Variants in PXDNL observed in about 807,000 individuals in gnomAD.
The protein encoded by PXDNL is peroxidasin like.
PXDNL carries 145 observed loss-of-function variants against 150.8 expected under a neutral mutation model. The observed-to-expected ratio is 0.96, with a 90% confidence interval of 0.84 to 1.10. PXDNL has a LOEUF of 1.10. Ranked by LOEUF, PXDNL falls within the 50% of genes least tolerant of loss-of-function variation. The pLI, the probability that PXDNL is intolerant of heterozygous loss-of-function variation, is 0.00. For missense variants in PXDNL, 2,087 were observed against 1,873.9 expected (o/e 1.11, Z -2.10); for synonymous variants, 757 against 725.7 (o/e 1.04, Z -0.69).
intron 19 of PXDNL, among the ~76,000 whole-genome samples, chr8:51,370,918 CA>C (rs1807090315): frequency 6.6e-6 from 1 of 152,166 alleles, no homozygotes; most frequent in African/African-American, 2.4e-5. Context: ...ACACTTCTAG[CA>C]GTGGCTTTCA....
chr8:51,694,437 G>A (rs762323044), intron 1 of PXDNL, among the ~76,000 whole-genome samples: 1 of 152,082 alleles, frequency 6.6e-6, no homozygotes, highest in African/African-American at 2.4e-5. Context: ...TTCAAGCCTC[G>A]CAGATATGTT....
At chr8:51,550,716 G>A (rs2130519387) in intron 4 of PXDNL, among the ~76,000 whole-genome samples, 1 of 152,080 alleles carries the variant, frequency 6.6e-6, no homozygotes, top group South Asian at 2.1e-4. Flanking sequence ...CAAATCCACA[G>A]CCAACATTAT....
chr8:51,350,974 T>A (rs958878434), intron 19 of PXDNL, among the ~76,000 whole-genome samples: 7 of 152,242 alleles, frequency 4.6e-5, no homozygotes, highest in African/African-American at 1.7e-4. Context: ...TAATACATCA[T>A]ATCTTTAGAT....
Position 51,807,992 on chromosome 8 carries a change from C to T in PXDNL, c.164+1189G>A, listed in dbSNP as rs199597977. ...AGTTCAAGAATCCTTTCAGTTATTA[C>T]AGTAAGACGTATTTTGATATCTGCA... On this transcript the variant is annotated intron_variant, in intron 1 of 22. Transcript: ENST00000356297. 1.2e-4 allele frequency among the ~76,000 whole-genome samples: 19 copies of T among 152,278 alleles called. No homozygotes were observed. In the East Asian group the frequency reaches 3.5e-3, roughly 28 times the overall value.
At chr8:51,744,273 G>C (rs1273898632) in intron 1 of PXDNL, among the ~76,000 whole-genome samples, 1 of 90,154 alleles carries the variant, frequency 1.1e-5, no homozygotes, top group African/African-American at 4.0e-5. Context: ...AGAAAGAAAG[G>C]AAGGAAGGAA....
At chr8:51,394,830 A>T (rs969946962) in intron 17 of PXDNL, among the ~76,000 whole-genome samples, 5 of 152,142 alleles carry the variant, frequency 3.3e-5, no homozygotes, top group African/African-American at 1.2e-4. Flanking sequence ...ATAGGCCTAG[A>T]AGTCTCTGCT....
rs1815062603 is a variant in PXDNL, at chr8:51,652,461, A to AC, written c.236+2227_236+2228insG. ...CTCTCACACACACACACACACACAC[A>AC]AACACACACACACACACACACCAAC... On this transcript the variant is annotated intron_variant, in intron 2 of 22. Transcript: ENST00000356297. Among the ~76,000 whole-genome samples the AC allele has an allele frequency of 1.8e-3, 253 of 139,916 alleles. 1 individual carries two copies. Among genetic ancestry groups the AC allele is most frequent in the African/African-American group, 5.8e-3 (219 of 37,860 alleles). 91.8% of individuals were successfully genotyped at this position (139,916 alleles called of 152,430 possible).
At chr8:51,523,601 C>T (rs2979120) in intron 4 of PXDNL, among the ~76,000 whole-genome samples, 2,311 of 152,302 alleles carry the variant, frequency 0.015, 30 homozygotes, top group South Asian at 0.034. Flanking sequence ...TGCCCAATGT[C>T]CCTTCCAGCA....
intron 1 of PXDNL, among the ~76,000 whole-genome samples, chr8:51,781,249 G>A (rs1204195516): frequency 2.6e-5 from 4 of 152,240 alleles, no homozygotes; most frequent in East Asian, 1.9e-4. Flanking sequence ...GTGAAAAAGC[G>A]GAGAGGAAGC....
chr8:51,428,733 A>C (rs1809174753), intron 12 of PXDNL, among the ~76,000 whole-genome samples: 1 of 152,248 alleles, frequency 6.6e-6, no homozygotes, highest in Admixed American at 6.5e-5. Flanking sequence ...ACTTAAATAT[A>C]AAATGTAAAA....
At chr8:51,415,478 A>T (rs1291578830) in intron 14 of PXDNL, among the ~76,000 whole-genome samples, 1 of 152,170 alleles carries the variant, frequency 6.6e-6, no homozygotes, top group East Asian at 1.9e-4. Context: ...TTAAACAACC[A>T]GATCTCATGA....
At chr8:51,653,933 A>T (rs6473635) in intron 2 of PXDNL, among the ~76,000 whole-genome samples, 10 of 152,174 alleles carry the variant, frequency 6.6e-5, no homozygotes, top group Admixed American at 6.5e-4. Context: ...TTGAACCTCC[A>T]GTCATCATCT....
At chr8:51,646,615 G>C (rs73678933) in intron 2 of PXDNL, among the ~76,000 whole-genome samples, 3,944 of 152,210 alleles carry the variant, frequency 0.026, 188 homozygotes, top group African/African-American at 0.09. Flanking sequence ...GTAGGTTTAA[G>C]AGAGGAAGGG....
intron 1 of PXDNL, among the ~76,000 whole-genome samples, chr8:51,804,541 T>C (rs1391656306): frequency 3.9e-5 from 6 of 152,154 alleles, no homozygotes; most frequent in African/African-American, 1.4e-4. Context: ...AGAAGCAGAA[T>C]TGGTCCTTCT....
intron 3 of PXDNL, among the ~76,000 whole-genome samples, chr8:51,584,326 T>A (rs1813276364): frequency 6.6e-6 from 1 of 152,188 alleles, no homozygotes; most frequent in African/African-American, 2.4e-5. Flanking sequence ...CAGGGAATAC[T>A]TTCCCAGGCA....
intron 1 of PXDNL, among the ~76,000 whole-genome samples, chr8:51,659,159 T>C (rs1753043908): frequency 6.6e-6 from 1 of 152,194 alleles, no homozygotes; most frequent in African/African-American, 2.4e-5. Context: ...TTCATCCCAT[T>C]GTAATATAAA....
Position 51,409,306 on chromosome 8 carries a change from G to T in PXDNL, c.2318C>A (p.Ser773Tyr). The T allele has an allele frequency of 7.0e-7, 1 of 1,421,634 alleles. No individual in the cohort carries two copies. The highest frequency in any genetic ancestry group is 9.1e-7 in the Non-Finnish European group (1 of 1,095,124). 88.1% of individuals were successfully genotyped at this position (1,421,634 alleles called of 1,614,324 possible). The change falls in exon 17 of 23, where the codon TCC becomes TAC. Residue 773 changes from serine (S) to tyrosine (Y), a missense_variant. Transcript: ENST00000356297. ...CCGGGGCGGCGGGAGGGGCTGGCGG[G>T]AGCCCACAGGAAGGCCGAGCCCGCG... ...APRGLGLPVG[S>Y]RQPLPPPRLV...
intron 14 of PXDNL, among the ~76,000 whole-genome samples, chr8:51,421,101 G>A (rs936136277): frequency 5.9e-5 from 9 of 152,184 alleles, no homozygotes; most frequent in Non-Finnish European, 1.0e-4. Flanking sequence ...AGATTACAGT[G>A]CTTCTGTGTA....
In PXDNL at chr8:51,409,447, T is replaced by C. The variant is rs1282798197; in HGVS notation, c.2177A>G (p.Lys726Arg). 2 of 1,612,700 alleles carry C rather than the reference T, an allele frequency of 1.2e-6. No homozygotes were observed. The highest frequency in any genetic ancestry group is 8.5e-7 in the Non-Finnish European group (1 of 1,179,754). ...GCACGTGCCGTCGTGGGCGCGGTACTTCGCATGGAAACACCGGTTGGAGCA... is the reference window on the plus strand; with the variant it reads ...GCACGTGCCGTCGTGGGCGCGGTACCTCGCATGGAAACACCGGTTGGAGCA... ...PNCSNRCFHAKYRAHDGTCNN... is the reference protein window; with the variant it reads ...PNCSNRCFHARYRAHDGTCNN... Residue 726 changes from lysine (K) to arginine (R), a missense_variant, in exon 17 of 23, where the codon AAG (lysine) becomes AGG (arginine). By Grantham distance (26) the Lys-to-Arg change is conservative (BLOSUM62 2). Coordinates refer to ENST00000356297, the MANE Select transcript of PXDNL (RefSeq NM_144651.5).
Sources: allele counts gnomAD v4.1 joint callset (sites outside exome capture counted in the v4.1 genomes callset), GRCh38; gene constraint gnomAD v4.1.1; transcripts MANE v1.5; gene names NCBI Gene and HGNC (gene_info 2026-07-23, HGNC 2026-07-21).